The following RIMS2 variants were observed in gnomAD, a reference collection of about 807,000 sequenced individuals.
The protein encoded by RIMS2 is regulating synaptic membrane exocytosis 2.
In RIMS2, 59 loss-of-function variants were observed where a neutral mutation model predicts 174.4. The observed-to-expected ratio is 0.34, with a 90% CI of 0.27 to 0.42. The LOEUF is 0.42. RIMS2 is among the 10% of genes least tolerant of loss of function. The pLI, the probability that RIMS2 is intolerant of heterozygous loss-of-function variation, is 1.00. For synonymous variants in RIMS2, 606 were observed against 572.5 expected (o/e 1.06, Z -0.84); for missense variants, 1,620 against 1,666.3 (o/e 0.97, Z 0.48).
chr8:104,205,866 C>G (rs892092871), intron 19 of RIMS2, among the ~76,000 whole-genome samples: 8 of 152,028 alleles, frequency 5.3e-5, no homozygotes, highest in African/African-American at 1.9e-4. Context: ...AGCGATTCTC[C>G]TGCCTCAGCC....
chr8:104,112,835 T>C (rs1391399128), intron 19 of RIMS2, among the ~76,000 whole-genome samples: 1 of 152,094 alleles, frequency 6.6e-6, no homozygotes, highest in African/African-American at 2.4e-5. Flanking sequence ...GATGAATGAG[T>C]CCCTATTTCA....
At chr8:103,605,947 AC>A (rs1194674768) in intron 1 of RIMS2, among the ~76,000 whole-genome samples, 1 of 147,216 alleles carries the variant, frequency 6.8e-6, no homozygotes, top group African/African-American at 2.6e-5. Context: ...CTTTCAAAAA[AC>A]CAGCTCCTGG....
At chr8:103,723,244 G>A (rs1337418095) in intron 2 of RIMS2, among the ~76,000 whole-genome samples, 1 of 152,190 alleles carries the variant, frequency 6.6e-6, no homozygotes, top group Admixed American at 6.5e-5. Flanking sequence ...GCTTTATTTT[G>A]ATCTTTTGAT....
At chr8:103,584,746 A>G (rs1047398840) in intron 1 of RIMS2, among the ~76,000 whole-genome samples, 40 of 152,214 alleles carry the variant, frequency 2.6e-4, no homozygotes, top group Non-Finnish European at 5.3e-4. Context: ...CACAAAAAAT[A>G]AAAAGCAAGA....
At chr8:103,673,434 A>G (rs2096770514) in intron 1 of RIMS2, among the ~76,000 whole-genome samples, 2 of 152,170 alleles carry the variant, frequency 1.3e-5, no homozygotes, top group Non-Finnish European at 2.9e-5. Context: ...GTGCTTTTTC[A>G]TACATCCTCT....
chr8:103,537,723 T>C (rs1333292178), intron 1 of RIMS2, among the ~76,000 whole-genome samples: 2 of 152,180 alleles, frequency 1.3e-5, no homozygotes, highest in Non-Finnish European at 2.9e-5. Context: ...TTTAATAATG[T>C]AGTAATATTA....
At chr8:103,983,075 A>T (rs895487638) in intron 16 of RIMS2, among the ~76,000 whole-genome samples, 1 of 152,242 alleles carries the variant, frequency 6.6e-6, no homozygotes, top group Non-Finnish European at 1.5e-5. Flanking sequence ...AACATAAAAA[A>T]TCAGTAGCAT....
chr8:103,990,987 C>A (rs1479250676), intron 17 of RIMS2, among the ~76,000 whole-genome samples: 1 of 151,808 alleles, frequency 6.6e-6, no homozygotes, highest in Admixed American at 6.6e-5. Flanking sequence ...GGTTTAATGG[C>A]AGCAAAGCTT....
intron 19 of RIMS2, among the ~76,000 whole-genome samples, chr8:104,115,167 A>T (rs1457513791): frequency 6.6e-6 from 1 of 152,138 alleles, no homozygotes; most frequent in African/African-American, 2.4e-5. Flanking sequence ...CAGCAAAATA[A>T]ATTGCATAGG....
At chr8:103,664,506 G>T (rs947399569) in intron 1 of RIMS2, among the ~76,000 whole-genome samples, 1 of 152,048 alleles carries the variant, frequency 6.6e-6, no homozygotes. Flanking sequence ...ACATTTATCT[G>T]GCCAACAAAC....
intron 19 of RIMS2, among the ~76,000 whole-genome samples, chr8:104,110,822 C>A (rs1376501844): frequency 6.6e-6 from 1 of 152,150 alleles, no homozygotes; most frequent in Non-Finnish European, 1.5e-5. Context: ...CACAGCATAC[C>A]TGAACACTCT....
intron 1 of RIMS2, among the ~76,000 whole-genome samples, chr8:103,601,559 A>G (rs997274658): frequency 2.0e-5 from 3 of 151,888 alleles, no homozygotes; most frequent in African/African-American, 4.8e-5. Flanking sequence ...ATATGCATAT[A>G]TATAGGTGAA....
In RIMS2 at chr8:104,160,325, A is replaced by G. The variant is rs574268242; in HGVS notation, c.3335-84591A>G. Among the ~76,000 whole-genome samples, 6 of 152,366 alleles carry G rather than the reference A, an allele frequency of 3.9e-5. No individual in the cohort carries two copies. The South Asian group carries it at 8.3e-4, about 21-fold the overall frequency. On this transcript the variant is annotated intron_variant, in intron 19 of 23. Coordinates refer to ENST00000504942, the Ensembl canonical transcript of RIMS2. ...ACTCAGTATTTGTTAGAATGCATGT[A>G]TGAATAAATGAGTGAACAAATGAAT...
intron 1 of RIMS2, among the ~76,000 whole-genome samples, chr8:103,552,385 T>G (rs1159524536): frequency 6.6e-6 from 1 of 152,178 alleles, no homozygotes; most frequent in Non-Finnish European, 1.5e-5. Context: ...CTGGGAAAAC[T>G]GGCTAGCCAT....
chr8:104,148,269 T>C (rs1027381251), intron 19 of RIMS2, among the ~76,000 whole-genome samples: 1 of 151,796 alleles, frequency 6.6e-6, no homozygotes, highest in African/African-American at 2.4e-5. Context: ...GCTTCTCCCT[T>C]ATGTCGTATG....
intron 19 of RIMS2, among the ~76,000 whole-genome samples, chr8:104,074,155 G>T (rs375914765): frequency 2.0e-5 from 3 of 152,104 alleles, no homozygotes; most frequent in African/African-American, 7.2e-5. Context: ...GTTACAAGTG[G>T]TCATATATGA....
intron 1 of RIMS2, among the ~76,000 whole-genome samples, chr8:103,595,459 G>A (rs551629287): frequency 1.7e-4 from 26 of 151,852 alleles, no homozygotes; most frequent in African/African-American, 6.3e-4. Context: ...ACAATAATTG[G>A]CTGTGGGGCC....
chr8:104,052,651 A>G (rs970397527), intron 19 of RIMS2, among the ~76,000 whole-genome samples: 1 of 152,182 alleles, frequency 6.6e-6, no homozygotes, highest in Admixed American at 6.5e-5. Flanking sequence ...TGATTATAGG[A>G]GAAGAATAGA....
In RIMS2 at chr8:103,967,654, T is replaced by C. The variant is rs180801826; in HGVS notation, c.2770+6521T>C. Among the ~76,000 whole-genome samples the C allele has an allele frequency of 9.9e-5, 15 of 152,230 alleles. 1 individual carries two copies. In the East Asian group the frequency reaches 2.9e-3, roughly 30 times the overall value. ...ATCTCCAACTATAATGGTGGATTCA[T>C]CTATTTCTCTATGCACTTCTATTAG... On this transcript the variant is annotated intron_variant, in intron 15 of 23. Transcript: ENST00000504942.
Sources: gnomAD v4.1 joint callset for allele counts (sites outside exome capture counted in the v4.1 genomes callset) on GRCh38, gnomAD v4.1.1 for gene constraint, MANE v1.5 for transcripts, NCBI Gene and HGNC (gene_info 2026-07-23, HGNC 2026-07-21) for gene names.